Variants in FSHR observed in about 807,000 individuals in gnomAD.
The protein encoded by FSHR is follicle stimulating hormone receptor, also known as follicle-stimulating hormone receptor.
In FSHR, 46 loss-of-function variants were observed where a neutral mutation model predicts 52.1. The ratio of observed to expected loss-of-function variants is 0.88; its 90% CI spans 0.70 to 1.13. The LOEUF is 1.13. Among genes scored for constraint, FSHR ranks in the 50% most tolerant of loss-of-function variants. FSHR has a pLI of 0.00. For synonymous variants in FSHR, 399 were observed against 309.6 expected, an observed-to-expected ratio of 1.29 and a Z score of -3.03; for missense variants, 964 against 834.6, an observed-to-expected ratio of 1.16 and a Z score of -1.91.
In FSHR at chr2:49,087,070, G is replaced by GATT. The variant is rs60949511; in HGVS notation, c.153-18781_153-18780insAAT. On this transcript the variant is annotated intron_variant, in intron 1 of 9. Coordinates refer to ENST00000406846, the MANE Select transcript of FSHR (RefSeq NM_000145.4). Reference sequence around the variant, plus strand: ...GTAGTTGAGGGACCCTGTGGGCAGGGTTTTTTTTTTTTTTTTTTTTTTTTT... The same window carrying GATT: ...GTAGTTGAGGGACCCTGTGGGCAGGGATTTTTTTTTTTTTTTTTTTTTTTTTTT... 4.8e-3 allele frequency among the ~76,000 whole-genome samples: 414 copies of GATT among 86,716 alleles called. 12 individuals are homozygous for GATT. Among genetic ancestry groups the GATT allele is most frequent in the African/African-American group, 0.017 (397 of 23,366 alleles). The allele number at this position is 86,716 out of a possible 152,430, so 56.9% of individuals were successfully genotyped here. A position where few individuals can be genotyped will look rare whatever the true frequency, so the allele number is the denominator to read the frequency against.
intron 1 of FSHR, among the ~76,000 whole-genome samples, chr2:49,136,822 C>T (rs528058945): frequency 2.0e-4 from 30 of 152,182 alleles, no homozygotes; most frequent in African/African-American, 6.5e-4. Flanking sequence ...AACACCTTTT[C>T]TTGGTAAGAA....
At position 48,962,692 on chromosome 2, in the gene FSHR, G is replaced by A; in HGVS notation, c.*41C>T. The A allele has an allele frequency of 6.3e-7, 1 of 1,592,676 alleles. No individual in the cohort carries two copies. The highest frequency in any genetic ancestry group is 8.6e-7 in the Non-Finnish European group (1 of 1,160,888). The stretch of plus-strand genomic sequence containing the variant: ...TGACATACCCTTCAAAGGCAAGACT[G>A]AATTATCATTCAATACTCAGATACA... On this transcript the variant is annotated 3_prime_UTR_variant, in exon 10 of 10. Coordinates refer to ENST00000406846, the MANE Select transcript of FSHR (RefSeq NM_000145.4).
At chr2:48,981,165 A>G (rs1254998510) in intron 8 of FSHR, among the ~76,000 whole-genome samples, 2 of 152,238 alleles carry the variant, frequency 1.3e-5, no homozygotes, top group Non-Finnish European at 2.9e-5. Context: ...TACATGGACT[A>G]TATGCCCAAC....
At position 48,978,605 on chromosome 2, in the gene FSHR, T is replaced by G. The variant is rs1675099354; in HGVS notation, c.668+4307A>C. 1.3e-5 allele frequency among the ~76,000 whole-genome samples: 2 copies of G among 152,176 alleles called. 1 individual carries two copies. Among genetic ancestry groups the G allele is most frequent in the South Asian group, 4.1e-4 (2 of 4,832 alleles). The stretch of plus-strand genomic sequence containing the variant: ...AAACTGTTTCCCAAAGAAACAGCAA[T>G]TGTTCGATTGCTTAAAAAAAAACAA... On this transcript the variant is annotated intron_variant, in intron 8 of 9. Transcript: ENST00000406846.
chr2:49,150,744 C>A (rs1363178041), intron 1 of FSHR, among the ~76,000 whole-genome samples: 4 of 152,024 alleles, frequency 2.6e-5, no homozygotes, highest in Non-Finnish European at 1.5e-5. Flanking sequence ...GTACTTTCTC[C>A]ATGGTGCCAT....
At chr2:49,036,851 C>T (rs1197866718) in intron 2 of FSHR, among the ~76,000 whole-genome samples, 3 of 152,130 alleles carry the variant, frequency 2.0e-5, no homozygotes, top group African/African-American at 7.2e-5. Flanking sequence ...CAGATCCAGA[C>T]ACAGTAATGC....
At chr2:48,993,434 C>T (rs1249127196) in intron 4 of FSHR, among the ~76,000 whole-genome samples, 2 of 152,152 alleles carry the variant, frequency 1.3e-5, no homozygotes, top group Non-Finnish European at 2.9e-5. Context: ...CAGCCCATCT[C>T]AAAGTCCTCT....
intron 4 of FSHR, among the ~76,000 whole-genome samples, chr2:49,013,062 A>G (rs1392380842): frequency 6.6e-6 from 1 of 151,554 alleles, no homozygotes; most frequent in Non-Finnish European, 1.5e-5. Flanking sequence ...TTGCTCACTC[A>G]AGTCTCTCTT....
In FSHR at chr2:48,985,697, G is replaced by GTTTTTTTTTTTTTTTTTTTTTTTTT. The variant is rs70946839; in HGVS notation, c.525-2556_525-2532dup. Among the ~76,000 whole-genome samples the GTTTTTTTTTTTTTTTTTTTTTTTTT allele has an allele frequency of 8.0e-5, 8 of 99,540 alleles. 3 individuals are homozygous for GTTTTTTTTTTTTTTTTTTTTTTTTT. Among genetic ancestry groups the GTTTTTTTTTTTTTTTTTTTTTTTTT allele is most frequent in the Admixed American group, 2.4e-4 (2 of 8,400 alleles). The allele number at this position is 99,540 out of a possible 152,430, so 65.3% of individuals were successfully genotyped here. On this transcript the variant is annotated intron_variant, in intron 6 of 9. Coordinates refer to ENST00000406846, the MANE Select transcript of FSHR (RefSeq NM_000145.4). ...TTCAGTTTCAGGGGAGCAAGTACAG[G>GTTTTTTTTTTTTTTTTTTTTTTTTT]TTTTTTTTTTTTTTTTTTTTTTTTT...
At chr2:48,986,915 T>C (rs1188333258) in intron 6 of FSHR, among the ~76,000 whole-genome samples, 1 of 152,220 alleles carries the variant, frequency 6.6e-6, no homozygotes, top group Admixed American at 6.5e-5. Context: ...AAGAATGATA[T>C]GAGCACACTC....
chr2:49,017,725 G>A (rs746701326), intron 3 of FSHR, among the ~76,000 whole-genome samples, 162 bp from the exon 4 acceptor site: 6 of 151,998 alleles, frequency 3.9e-5, no homozygotes, highest in Admixed American at 1.3e-4. Context: ...AAATATTGAG[G>A]GAGCATGCAG....
intron 2 of FSHR, among the ~76,000 whole-genome samples, chr2:49,057,042 C>T (rs931319728): frequency 3.3e-5 from 5 of 151,728 alleles, no homozygotes; most frequent in African/African-American, 9.7e-5. Flanking sequence ...CAGTAAACCC[C>T]TATATGAAAA....
At chr2:49,135,992 G>T (rs117277174) in intron 1 of FSHR, among the ~76,000 whole-genome samples, 3 of 151,592 alleles carry the variant, frequency 2.0e-5, no homozygotes, top group Admixed American at 6.6e-5. Context: ...CATAAAAGTC[G>T]CCCCACATAG....
chr2:48,982,153 C>T (rs1441138501), intron 8 of FSHR, among the ~76,000 whole-genome samples: 2 of 152,190 alleles, frequency 1.3e-5, no homozygotes, highest in Non-Finnish European at 2.9e-5. Context: ...CCTTAAAGGC[C>T]ATGAGAGCCA....
intron 2 of FSHR, among the ~76,000 whole-genome samples, chr2:49,040,258 G>A (rs1416717242): frequency 5.3e-5 from 8 of 152,162 alleles, no homozygotes; most frequent in Non-Finnish European, 1.0e-4. Flanking sequence ...GAGATATTGT[G>A]AGATGGTTAG....
At chr2:49,092,355 C>T (rs528126488) in intron 1 of FSHR, among the ~76,000 whole-genome samples, 106 of 152,150 alleles carry the variant, frequency 7.0e-4, no homozygotes, top group Admixed American at 1.4e-3. Flanking sequence ...AATCTGAATG[C>T]CTTTTATTTT....
At position 49,083,068 on chromosome 2, in the gene FSHR, G is replaced by A. The variant is rs528353520; in HGVS notation, c.153-14778C>T. On this transcript the variant is annotated intron_variant, in intron 1 of 9. Transcript: ENST00000406846. ...TCAGATTCACCAAAGTTGAAATGAA[G>A]GAAAAAATGTTAAGGGCAGCCAGAG... Among the ~76,000 whole-genome samples, 31 of 151,344 alleles carry A rather than the reference G, an allele frequency of 2.0e-4. No individual in the cohort carries two copies. In the East Asian group the frequency reaches 5.8e-3, roughly 29 times the overall value.
At chr2:48,968,968 A>C in intron 8 of FSHR, 85 bp from the exon 9 acceptor site, 1 of 1,183,836 alleles carries the variant, frequency 8.4e-7, no homozygotes, top group Non-Finnish European at 1.2e-6. Context: ...TAGCAGACAC[A>C]CTAGTGATAT....
intron 4 of FSHR, among the ~76,000 whole-genome samples, chr2:49,016,352 T>C (rs1667489744): frequency 6.6e-6 from 1 of 152,216 alleles, no homozygotes; most frequent in South Asian, 2.1e-4. Flanking sequence ...CTTTTGAATC[T>C]GGATGATTCA....
Sources: allele counts gnomAD v4.1 joint callset (sites outside exome capture counted in the v4.1 genomes callset), GRCh38; gene constraint gnomAD v4.1.1; transcripts MANE v1.5; gene names NCBI Gene and HGNC (gene_info 2026-07-23, HGNC 2026-07-21).